The following IL2RB variants were observed in gnomAD, a reference collection of about 807,000 sequenced individuals.
IL2RB encodes interleukin-2 receptor subunit beta.
A neutral mutation model predicts 44.2 loss-of-function variants in IL2RB; 17 were observed. That is an observed-to-expected ratio of 0.38 (90% confidence interval 0.26 to 0.58). The LOEUF (loss-of-function observed/expected upper bound fraction) is 0.58, where lower values mean the gene tolerates loss of function less well. Ranked by LOEUF, IL2RB falls within the 20% of genes least tolerant of loss-of-function variation. The pLI is 0.63. For synonymous variants in IL2RB, 286 were observed against 297.9 expected (o/e 0.96, Z 0.41); for missense variants, 624 against 685.5 (o/e 0.91, Z 1.00).
intron 9 of IL2RB, among the ~76,000 whole-genome samples, chr22:37,130,038 C>T (rs988736483): frequency 2.4e-4 from 37 of 152,250 alleles, no homozygotes; most frequent in Admixed American, 2.4e-3. Context: ...CACACACACA[C>T]ACGCTTACAT....
At chr22:37,166,481 C>T (rs1174702736) in intron 1 of IL2RB, among the ~76,000 whole-genome samples, 1 of 152,174 alleles carries the variant, frequency 6.6e-6, no homozygotes, top group African/African-American at 2.4e-5. Flanking sequence ...TCCGTTCCCG[C>T]GGTGGAGGGA....
At chr22:37,165,739 G>A (rs1032920936) in intron 1 of IL2RB, among the ~76,000 whole-genome samples, 3 of 151,898 alleles carry the variant, frequency 2.0e-5, no homozygotes, top group East Asian at 1.9e-4. Context: ...TGGGGGAGGA[G>A]GGGAGAAGAG....
chr22:37,166,912 G>GCT (rs536928602), intron 1 of IL2RB: 150 of 152,268 alleles, frequency 9.9e-4, no homozygotes, highest in African/African-American at 3.5e-3. Flanking sequence ...GCCGAGACCA[G>GCT]CAGACCTGCA....
upstream of IL2RB, among the ~76,000 whole-genome samples, chr22:37,152,397 C>T (rs1242926690): frequency 2.6e-5 from 4 of 152,154 alleles, no homozygotes; most frequent in African/African-American, 9.7e-5. Flanking sequence ...AGAAATACTA[C>T]TAACTTTTGT....
intron 1 of IL2RB, among the ~76,000 whole-genome samples, chr22:37,160,576 TAAAATTGGTATTTTTA>T (rs1922822557): frequency 1.3e-5 from 2 of 151,558 alleles, no homozygotes; most frequent in African/African-American, 4.9e-5. Flanking sequence ...CAAAAGAAGC[TAAAATTGGTATTTTTA>T]AAAACGTGAA....
chr22:37,142,341 C>G, intron 4 of IL2RB, 93 bp downstream of exon 4: 1 of 1,186,576 alleles, frequency 8.4e-7, no homozygotes, highest in South Asian at 1.3e-5. Flanking sequence ...TGGGCCTCAG[C>G]TCTTCCCCTG....
chr22:37,134,087 T>A (rs1237506499), intron 8 of IL2RB, among the ~76,000 whole-genome samples: 1 of 152,090 alleles, frequency 6.6e-6, no homozygotes, highest in Non-Finnish European at 1.5e-5. Flanking sequence ...GATCCGTGGG[T>A]TCTGCACTCA....
chr22:37,170,544 G>A (rs1923246755), intron 1 of IL2RB, among the ~76,000 whole-genome samples: 1 of 152,156 alleles, frequency 6.6e-6, no homozygotes, highest in African/African-American at 2.4e-5. Flanking sequence ...CCTCTTGGGG[G>A]TGGACAGTCT....
chr22:37,126,456 G>C lies in IL2RB; in HGVS notation c.*1640C>G, dbSNP rs1921115140. 6.6e-6 allele frequency: 1 copy of C among 152,168 alleles called. No individual in the cohort carries two copies. 9.4% of individuals were successfully genotyped at this position (152,168 alleles called of 1,614,324 possible). On this transcript the variant is annotated 3_prime_UTR_variant, in exon 10 of 10. Transcript: ENST00000216223. ...CTTTCCAAGGCTCAACGCTTGTGGA[G>C]CCTTGTCCACAAGCACCTGCTCCCA...
intron 1 of IL2RB, among the ~76,000 whole-genome samples, chr22:37,164,627 G>T (rs229493): frequency 0.96 from 146,430 of 152,074 alleles, 70,553 homozygotes; most frequent in East Asian, 1. Context: ...TTTCTCTCTC[G>T]CTTGAAATCA....
Position 37,141,771 on chromosome 22 carries a change from G to C in IL2RB, c.282+663C>G, listed in dbSNP as rs1921977397. 1.3e-5 allele frequency among the ~76,000 whole-genome samples: 2 copies of C among 152,246 alleles called. No homozygotes were observed. Among genetic ancestry groups the C allele is most frequent in the South Asian group, 4.1e-4 (2 of 4,834 alleles). ...ACTTTAGGCACCAATGAGCACAGGGGGATGGGAAGCCACGGGGGTGCAGGG... is the reference window on the plus strand; with the variant it reads ...ACTTTAGGCACCAATGAGCACAGGGCGATGGGAAGCCACGGGGGTGCAGGG... On this transcript the variant is annotated intron_variant, in intron 4 of 9. Transcript: ENST00000216223. This position sits in a 1 kb window ranked among gnomAD's most constrained non-coding sequence, Gnocchi z 4.4.
chr22:37,141,340 C>T lies in IL2RB; in HGVS notation c.282+1094G>A, dbSNP rs1170136591. On this transcript the variant is annotated intron_variant, in intron 4 of 9. Transcript: ENST00000216223. This position sits in a 1 kb window ranked among gnomAD's most constrained non-coding sequence, Gnocchi z 4.4. ...AAGTTGTGGCTGTGGACCCAGGCAT[C>T]CCTGCACTCTCAGGGTCTGGGAAGA... Among the ~76,000 whole-genome samples, 2 of 152,206 alleles carry T rather than the reference C, an allele frequency of 1.3e-5. No homozygotes were observed. The highest frequency in any genetic ancestry group is 2.9e-5 in the Non-Finnish European group (2 of 68,026).
At chr22:37,172,981 CCT>C (rs1923339803) in intron 1 of IL2RB, among the ~76,000 whole-genome samples, 1 of 152,180 alleles carries the variant, frequency 6.6e-6, no homozygotes, top group Non-Finnish European at 1.5e-5. Context: ...ATGAGCCTCC[CCT>C]CTTTCCCAGG....
At chr22:37,167,283 CAAG>C (rs1923115829) in intron 1 of IL2RB, among the ~76,000 whole-genome samples, 2 of 152,090 alleles carry the variant, frequency 1.3e-5, no homozygotes, top group Non-Finnish European at 2.9e-5. Context: ...TGACTGCCTC[CAAG>C]TGCCAAGCGC....
chr22:37,174,255 A>G (rs1056211409), intron 1 of IL2RB, among the ~76,000 whole-genome samples: 1 of 152,186 alleles, frequency 6.6e-6, no homozygotes, highest in African/African-American at 2.4e-5. Context: ...ACTTTTTTCC[A>G]TGAAGCTGAA....
intron 1 of IL2RB, among the ~76,000 whole-genome samples, chr22:37,154,989 C>A (rs1922629921): frequency 6.6e-6 from 1 of 152,194 alleles, no homozygotes; most frequent in Admixed American, 6.5e-5. Flanking sequence ...ACAATTCACA[C>A]TGGGCTATAA....
chr22:37,150,560 T>C (rs901455359), upstream of IL2RB, among the ~76,000 whole-genome samples: 3 of 152,228 alleles, frequency 2.0e-5, no homozygotes, highest in Admixed American at 2.0e-4. Context: ...TCACCTCAAG[T>C]ATTTATCCTT....
At position 37,127,388 on chromosome 22, in the gene IL2RB, A is replaced by G. The variant is rs1178921874; in HGVS notation, c.*708T>C. The G allele has an allele frequency of 6.6e-6, 1 of 152,256 alleles. No individual in the cohort carries two copies. The highest frequency in any genetic ancestry group is 6.5e-5 in the Admixed American group (1 of 15,276). The allele number at this position is 152,256 out of a possible 1,614,324, so 9.4% of individuals were successfully genotyped here. On this transcript the variant is annotated 3_prime_UTR_variant, in exon 10 of 10. Transcript: ENST00000216223. Reference sequence around the variant, plus strand: ...AAGGGAGGCAGTGCTTCCCTCCAGGAGAAGCAAAACCGGCACTTGAAGAGT... The same window carrying G: ...AAGGGAGGCAGTGCTTCCCTCCAGGGGAAGCAAAACCGGCACTTGAAGAGT...
At chr22:37,147,763 G>C (rs978662763) in intron 1 of IL2RB, among the ~76,000 whole-genome samples, 1 of 152,224 alleles carries the variant, frequency 6.6e-6, no homozygotes, top group Non-Finnish European at 1.5e-5. Context: ...CCATGGGCTC[G>C]CCTTTGCCTG....
Sources: gnomAD v4.1 joint callset for allele counts (sites outside exome capture counted in the v4.1 genomes callset) on GRCh38, gnomAD v4.1.1 for gene constraint, Gnocchi (gnomAD v3.1) non-coding constraint, MANE v1.5 for transcripts, NCBI Gene and HGNC (gene_info 2026-07-23, HGNC 2026-07-21) for gene names.